The following ZNF385D variants were observed in gnomAD, a reference collection of about 807,000 sequenced individuals.
ZNF385D encodes zinc finger protein 659.
Under a neutral mutation model 35.8 loss-of-function variants are expected in ZNF385D, and 15 were observed. The ratio of observed to expected loss-of-function variants is 0.42; its 90% CI spans 0.28 to 0.64. The LOEUF (loss-of-function observed/expected upper bound fraction) is 0.64, where lower values mean the gene tolerates loss of function less well. Ranked by LOEUF, ZNF385D falls within the 30% of genes least tolerant of loss-of-function variation. The probability of loss-of-function intolerance (pLI) is 0.23; values close to 1 mark genes in which losing one functional copy is unlikely to be tolerated. For missense variants in ZNF385D, 474 were observed against 494.6 expected, an observed-to-expected ratio of 0.96 and a Z score of 0.39; for synonymous variants, 212 against 186.8, an observed-to-expected ratio of 1.13 and a Z score of -1.10.
chr3:21,696,385 G>A (rs1211359447), intron 1 of ZNF385D, among the ~76,000 whole-genome samples: 4 of 152,102 alleles, frequency 2.6e-5, no homozygotes, highest in Non-Finnish European at 5.9e-5. Context: ...GATAATCCCT[G>A]GTCCCTTACA....
chr3:22,353,532 C>G (rs1033585071), intron 2 of ZNF385D, among the ~76,000 whole-genome samples: 1 of 152,158 alleles, frequency 6.6e-6, no homozygotes, highest in African/African-American at 2.4e-5. Context: ...ACCCTGCCAT[C>G]ACAACAATAG....
intron 3 of ZNF385D, among the ~76,000 whole-genome samples, chr3:22,099,228 A>G (rs779194): frequency 0.79 from 119,742 of 152,054 alleles, 47,982 homozygotes; most frequent in Non-Finnish European, 0.84. Context: ...TATGCACAGT[A>G]TTAAGCTACT....
At chr3:22,249,879 A>G (rs1159074877) in intron 2 of ZNF385D, among the ~76,000 whole-genome samples, 1 of 152,184 alleles carries the variant, frequency 6.6e-6, no homozygotes, top group Non-Finnish European at 1.5e-5. Context: ...TCCTTTCTCA[A>G]AGAAGCCTCT....
At chr3:22,363,286 G>A (rs1406979219) in intron 2 of ZNF385D, among the ~76,000 whole-genome samples, 3 of 152,092 alleles carry the variant, frequency 2.0e-5, no homozygotes, top group African/African-American at 7.2e-5. Context: ...AAGTCTATGA[G>A]CACTCAGAAT....
rs141732139 is a variant in ZNF385D, at chr3:21,976,147, G to C, written c.325+192670C>G. On this transcript the variant is annotated intron_variant, in intron 3 of 5. Coordinates refer to the ZNF385D transcript ENST00000494108. ...ACTAGCCAAAGTTATTTCAAGATCT[G>C]ATCAGATTTGAGTGATATACCTCTT... 2.5e-3 allele frequency among the ~76,000 whole-genome samples: 375 copies of C among 152,222 alleles called. 1 individual carries two copies. The highest frequency in any genetic ancestry group is 8.6e-3 in the African/African-American group (357 of 41,556).
At chr3:22,155,197 AAAAT>A (rs1473047910) in intron 3 of ZNF385D, among the ~76,000 whole-genome samples, 3 of 152,268 alleles carry the variant, frequency 2.0e-5, no homozygotes, top group African/African-American at 4.8e-5. Context: ...TGTATCAATA[AAAAT>A]AAATAAAAAG....
chr3:21,778,120 T>G (rs1180122037), intron 3 of ZNF385D, among the ~76,000 whole-genome samples: 1 of 151,900 alleles, frequency 6.6e-6, no homozygotes, highest in Non-Finnish European at 1.5e-5. Context: ...ACTTACAACA[T>G]ACACACTCAA....
intron 3 of ZNF385D, among the ~76,000 whole-genome samples, chr3:21,998,713 G>A (rs182291961): frequency 4.1e-4 from 62 of 152,128 alleles, no homozygotes; most frequent in East Asian, 1.7e-3. Context: ...TTTTGAGAAT[G>A]GTATTTTAAT....
chr3:22,150,174 CA>C (rs1287299350), intron 3 of ZNF385D, among the ~76,000 whole-genome samples: 6 of 152,108 alleles, frequency 3.9e-5, no homozygotes, highest in Admixed American at 6.5e-5. Flanking sequence ...CACAAAGTAG[CA>C]ACAGGAAAAT....
At chr3:21,472,830 G>A (rs1703991703) in intron 4 of ZNF385D, among the ~76,000 whole-genome samples, 1 of 152,024 alleles carries the variant, frequency 6.6e-6, no homozygotes, top group Non-Finnish European at 1.5e-5. Flanking sequence ...TGTTTTATTT[G>A]CATCGCCTGC....
intron 3 of ZNF385D, among the ~76,000 whole-genome samples, chr3:21,880,952 C>T (rs1698246700): frequency 6.6e-6 from 1 of 151,924 alleles, no homozygotes; most frequent in African/African-American, 2.4e-5. Flanking sequence ...CAGAGCAAAG[C>T]CCTAACTCTG....
At chr3:21,976,764 A>G (rs991148337) in intron 3 of ZNF385D, among the ~76,000 whole-genome samples, 3 of 152,180 alleles carry the variant, frequency 2.0e-5, no homozygotes, top group Admixed American at 6.5e-5. Flanking sequence ...AAGCCAAGGC[A>G]TGCAGATCAT....
intron 3 of ZNF385D, among the ~76,000 whole-genome samples, chr3:21,517,432 C>T (rs1038133237): frequency 5.9e-5 from 9 of 152,148 alleles, no homozygotes; most frequent in Admixed American, 5.9e-4. Flanking sequence ...CTGCAACACC[C>T]CAAACCCATG....
chr3:22,035,042 G>C (rs1252105980), intron 3 of ZNF385D, among the ~76,000 whole-genome samples: 1 of 152,004 alleles, frequency 6.6e-6, no homozygotes, highest in Non-Finnish European at 1.5e-5. Context: ...CAACATTGTC[G>C]ATTTATATAC....
At chr3:21,738,097 C>G (rs1022739825) in intron 1 of ZNF385D, among the ~76,000 whole-genome samples, 7 of 152,218 alleles carry the variant, frequency 4.6e-5, no homozygotes, top group African/African-American at 1.7e-4. Flanking sequence ...AGCCTCAGGC[C>G]CCACCTGCCA....
chr3:22,337,828 G>A (rs1486147043), intron 2 of ZNF385D, among the ~76,000 whole-genome samples: 1 of 152,232 alleles, frequency 6.6e-6, no homozygotes, highest in African/African-American at 2.4e-5. Context: ...TGAGAGGACA[G>A]AACAGGAGCT....
intron 2 of ZNF385D, among the ~76,000 whole-genome samples, chr3:22,306,473 A>C (rs947605376): frequency 6.6e-6 from 1 of 152,058 alleles, no homozygotes; most frequent in African/African-American, 2.4e-5. Flanking sequence ...TAGCTGTCCA[A>C]TAATAGTTCT....
intron 3 of ZNF385D, among the ~76,000 whole-genome samples, chr3:22,017,910 A>T (rs143325933): frequency 3.2e-4 from 49 of 151,870 alleles, no homozygotes; most frequent in Non-Finnish European, 6.3e-4. Flanking sequence ...TATTCAATTT[A>T]TTTTTCACTG....
At position 21,699,405 on chromosome 3, in the gene ZNF385D, T is replaced by C. The variant is rs113185182; in HGVS notation, c.23-34377A>G. On this transcript the variant is annotated intron_variant, in intron 1 of 7. Coordinates refer to ENST00000281523, the MANE Select transcript of ZNF385D (RefSeq NM_024697.3). Reference sequence around the variant, plus strand: ...CTAATGTAGATGACAGGTTGATGGGTGCAGCAAACCACCATGGCAAGTGTA... The same window carrying C: ...CTAATGTAGATGACAGGTTGATGGGCGCAGCAAACCACCATGGCAAGTGTA... 4.1e-3 allele frequency among the ~76,000 whole-genome samples: 620 copies of C among 152,094 alleles called. 6 individuals are homozygous for C. The highest frequency in any genetic ancestry group is 0.014 in the African/African-American group (583 of 41,458).
Sources: gnomAD v4.1 joint callset for allele counts (sites outside exome capture counted in the v4.1 genomes callset) on GRCh38, gnomAD v4.1.1 for gene constraint, MANE v1.5 for transcripts, NCBI Gene and HGNC (gene_info 2026-07-23, HGNC 2026-07-21) for gene names.